The following GSE1 variants were observed in gnomAD, a reference collection of about 807,000 sequenced individuals.
GSE1 encodes the protein Gse1 coiled-coil protein.
In GSE1, 32 loss-of-function variants were observed where a neutral mutation model predicts 112.6. That is an observed-to-expected ratio of 0.28 (90% CI 0.21 to 0.38). GSE1 has a LOEUF of 0.38. Among genes scored for constraint, GSE1 ranks in the 10% least tolerant of loss-of-function variants. The pLI, the probability that GSE1 is intolerant of heterozygous loss-of-function variation, is 1.00. For missense variants in GSE1, 2,348 were observed against 1,699.2 expected (o/e 1.38, Z -6.71); for synonymous variants, 1,115 against 735.6 (o/e 1.52, Z -8.35).
At position 85,655,774 on chromosome 16, in the gene GSE1, C is replaced by T. The variant is rs772806658; in HGVS notation, c.846C>T (p.Pro282=). 6.2e-7 allele frequency: 1 copy of T among 1,610,086 alleles called. No homozygotes were observed. Among genetic ancestry groups the T allele is most frequent in the Non-Finnish European group, 8.5e-7 (1 of 1,178,088 alleles). Residue 282 remains proline (P), a synonymous_variant, in exon 6 of 16, where the codon CCC becomes CCT. Transcript: ENST00000253458. ...CTGCCCTGAGGTCCCCGTTCTACCC[C>T]ATCCCCACCCCCGGCTCCCTGCCCC... is the stretch of plus-strand genomic sequence containing the variant. The part of the protein sequence containing the change: ...CLSALRSPFY[P]IPTPGSLPPL...
At chr16:85,382,955 A>G (rs1247979226) in intron 2 of GSE1, among the ~76,000 whole-genome samples, 2 of 150,618 alleles carry the variant, frequency 1.3e-5, no homozygotes, top group Non-Finnish European at 2.9e-5. Context: ...ACATGCACAC[A>G]CGTGCACACA....
intron 1 of GSE1, among the ~76,000 whole-genome samples, chr16:85,273,056 G>A (rs1383602284): frequency 2.0e-5 from 3 of 152,206 alleles, no homozygotes; most frequent in Non-Finnish European, 2.9e-5. Flanking sequence ...GATTACAGGC[G>A]TGAGCCACTG....
intron 2 of GSE1, among the ~76,000 whole-genome samples, chr16:85,499,586 G>A (rs1281330598): frequency 2.0e-5 from 3 of 152,082 alleles, no homozygotes; most frequent in African/African-American, 7.2e-5. Flanking sequence ...GATTACAGGC[G>A]TGAGCCACCA....
chr16:85,206,303 A>G (rs1024338117), intron 1 of GSE1, among the ~76,000 whole-genome samples: 1 of 152,112 alleles, frequency 6.6e-6, no homozygotes. Context: ...GACCCAGGCC[A>G]TGATCTGAAG....
intron 2 of GSE1, among the ~76,000 whole-genome samples, chr16:85,528,178 C>A (rs758795397): frequency 2.6e-5 from 4 of 152,200 alleles, no homozygotes; most frequent in African/African-American, 9.7e-5. Flanking sequence ...CCCCGTGAAG[C>A]GTGCAGTGCA....
At chr16:85,431,757 C>T (rs577887310) in intron 2 of GSE1, among the ~76,000 whole-genome samples, 154 of 152,338 alleles carry the variant, frequency 1.0e-3, no homozygotes, top group African/African-American at 3.5e-3. Flanking sequence ...GTATCTGGGC[C>T]GCCTTGCCTC....
intron 1 of GSE1, among the ~76,000 whole-genome samples, chr16:85,228,910 C>T (rs972593195): frequency 1.3e-5 from 2 of 152,212 alleles, no homozygotes; most frequent in African/African-American, 4.8e-5. Context: ...GAAAACATAC[C>T]CGAAGGAGTT....
chr16:85,196,087 CGAG>C (rs1398235109), intron 1 of GSE1, among the ~76,000 whole-genome samples: 5 of 152,170 alleles, frequency 3.3e-5, no homozygotes, highest in Admixed American at 2.6e-4. Flanking sequence ...TGGGGAAAAA[CGAG>C]GGCTCTAAAT....
chr16:85,663,504 T>A lies in GSE1; in HGVS notation c.2534T>A (p.Leu845Gln), dbSNP rs748014064. ...CAGACGCCTTCACCGAGACTGGCGC[T>A]GTCTACCCGCTACAGCCCTGATGAG... ...KRQTPSPRLA[L>Q]STRYSPDEMN... Residue 845 changes from leucine (L) to glutamine (Q), a missense_variant, in exon 11 of 16, where the codon CTG (leucine) becomes CAG (glutamine). Physicochemically the swap from Leu to Gln is moderately radical, Grantham distance 113. Transcript: ENST00000253458. 4.2e-5 allele frequency: 67 copies of A among 1,612,082 alleles called. No individual in the cohort carries two copies. Among genetic ancestry groups the A allele is most frequent in the Non-Finnish European group, 5.7e-5 (67 of 1,179,602 alleles).
intron 2 of GSE1, among the ~76,000 whole-genome samples, chr16:85,446,690 G>A (rs1339776222): frequency 6.6e-6 from 1 of 152,216 alleles, no homozygotes; most frequent in Non-Finnish European, 1.5e-5. Flanking sequence ...CCTACCGTGT[G>A]TTGGAGCTCA....
At chr16:85,327,235 C>T (rs972131973) in intron 1 of GSE1, among the ~76,000 whole-genome samples, 10 of 152,250 alleles carry the variant, frequency 6.6e-5, no homozygotes, top group Non-Finnish European at 1.5e-4. Context: ...CCCGCCACTT[C>T]TACCACGTGC....
chr16:85,341,905 G>A (rs555337485), intron 1 of GSE1, among the ~76,000 whole-genome samples: 6 of 152,222 alleles, frequency 3.9e-5, no homozygotes, highest in East Asian at 3.9e-4. Flanking sequence ...GCCTGCTAAC[G>A]AGCCAATGGC....
rs533050963 is a variant in GSE1, at chr16:85,648,691, C to A, written c.366C>A (p.Pro122=). The A allele has an allele frequency of 1.2e-6, 2 of 1,608,516 alleles. No individual in the cohort carries two copies. Among genetic ancestry groups the A allele is most frequent in the South Asian group, 1.1e-5 (1 of 90,738 alleles). ...GCCACAGCGTGCCCAGCACCCCCCC[C>A]GTGGTGACCATCGCTCCAACCAAAA... ...PGGHSVPSTP[P]VVTIAPTKTV... Residue 122 remains proline, a synonymous_variant, in exon 3 of 16, where the codon CCC becomes CCA. Transcript: ENST00000253458.
intron 2 of GSE1, among the ~76,000 whole-genome samples, chr16:85,646,463 C>G (rs1404498400): frequency 3.3e-5 from 5 of 152,258 alleles, no homozygotes; most frequent in African/African-American, 1.2e-4. Flanking sequence ...CCTGCTCCTG[C>G]TGGAACCTGC....
upstream of GSE1, among the ~76,000 whole-genome samples, chr16:85,608,588 G>T (rs563901505): frequency 1.3e-5 from 2 of 152,354 alleles, no homozygotes; most frequent in East Asian, 1.9e-4. Context: ...TGGTTACCGA[G>T]AAGTGCTGCC....
intron 1 of GSE1, among the ~76,000 whole-genome samples, chr16:85,214,249 C>G (rs567902660): frequency 5.3e-5 from 8 of 152,274 alleles, no homozygotes; most frequent in Non-Finnish European, 1.0e-4. Flanking sequence ...GAGGGCCCCC[C>G]CACCCAGATT....
chr16:85,372,218 C>T (rs1217023644), intron 2 of GSE1, among the ~76,000 whole-genome samples: 5 of 152,078 alleles, frequency 3.3e-5, no homozygotes, highest in East Asian at 1.9e-4. Context: ...CCCTGGCGGG[C>T]GCGGTGGCTT....
chr16:85,556,889 C>T (rs1430489472), intron 1 of GSE1, among the ~76,000 whole-genome samples: 1 of 151,924 alleles, frequency 6.6e-6, no homozygotes, highest in Non-Finnish European at 1.5e-5. Context: ...TTTTGTTCCG[C>T]CGAGGTCGGA....
intron 1 of GSE1, among the ~76,000 whole-genome samples, chr16:85,296,228 G>T (rs1312670910): frequency 6.6e-6 from 1 of 152,192 alleles, no homozygotes; most frequent in African/African-American, 2.4e-5. Flanking sequence ...CCCGTGGCCA[G>T]TCTCTAACCA....
Sources: allele counts gnomAD v4.1 joint callset (sites outside exome capture counted in the v4.1 genomes callset), GRCh38; gene constraint gnomAD v4.1.1; transcripts MANE v1.5; gene names NCBI Gene and HGNC (gene_info 2026-07-23, HGNC 2026-07-21).